ASB3: variants seen among roughly 807,000 people sequenced by gnomAD.
ASB3 encodes ankyrin repeat and SOCS box containing 3, also known as ankyrin repeat and SOCS box protein 3.
In ASB3, 41 loss-of-function variants were observed where a neutral mutation model predicts 54.5. The ratio of observed to expected loss-of-function variants is 0.75; its 90% confidence interval spans 0.59 to 0.98. ASB3 has a LOEUF of 0.98. Ranked by LOEUF, ASB3 falls within the 50% of genes least tolerant of loss-of-function variation. The pLI is 0.00. For missense variants in ASB3, 733 were observed against 620.0 expected (o/e 1.18, Z -1.94); for synonymous variants, 266 against 221.2 (o/e 1.20, Z -1.80).
At chr2:53,672,478 C>T (rs1004429947) in intron 9 of ASB3, among the ~76,000 whole-genome samples, 3 of 152,162 alleles carry the variant, frequency 2.0e-5, no homozygotes, top group Non-Finnish European at 4.4e-5. Context: ...GCAAACACCA[C>T]CGTTTTCCAA....
intron 1 of ASB3, chr2:53,775,253 G>A (rs1674248065): frequency 6.6e-6 from 1 of 152,512 alleles, no homozygotes; most frequent in East Asian, 1.9e-4. Flanking sequence ...AAAAAGATGG[G>A]CTGATACTAC....
rs548482134 is a variant in ASB3, at chr2:53,712,928, A to T, written c.980+1456T>A. On this transcript the variant is annotated intron_variant, in intron 7 of 9. Transcript: ENST00000263634. ...TAAAGTAATTAGGGCTCTTCTGTTT[A>T]AAAAGACAAAACTTAACGGGGTACA... is the stretch of plus-strand genomic sequence containing the variant. Among the ~76,000 whole-genome samples the T allele has an allele frequency of 2.0e-5, 3 of 152,380 alleles. No individual in the cohort carries two copies. The South Asian group carries it at 6.2e-4, about 32-fold the overall frequency.
chr2:53,714,597 T>G lies in ASB3; in HGVS notation c.783-16A>C. ...GTCCAAGATTCTATAAATACACAAATTCAGGAGAATTTAGTGTTTGTATAT... is the reference window on the plus strand; with the variant it reads ...GTCCAAGATTCTATAAATACACAAAGTCAGGAGAATTTAGTGTTTGTATAT... On this transcript the variant is annotated splice_polypyrimidine_tract_variant and intron_variant, in intron 6 of 9. Coordinates refer to ENST00000263634, the MANE Select transcript of ASB3 (RefSeq NM_016115.5). The G allele has an allele frequency of 6.2e-7, 1 of 1,611,886 alleles. No homozygotes were observed.
At chr2:53,707,891 G>A (rs2103801898) in intron 7 of ASB3, among the ~76,000 whole-genome samples, 1 of 150,976 alleles carries the variant, frequency 6.6e-6, no homozygotes, top group African/African-American at 2.4e-5. Context: ...AAACTCGGGA[G>A]GTGGTGGTTG....
At chr2:53,773,253 C>T (rs1327344132) in intron 1 of ASB3, among the ~76,000 whole-genome samples, 1 of 151,320 alleles carries the variant, frequency 6.6e-6, no homozygotes, top group Admixed American at 6.6e-5. Flanking sequence ...TTTTTCATTT[C>T]AGTCCCGTTA....
intron 9 of ASB3, among the ~76,000 whole-genome samples, chr2:53,674,363 C>A (rs1317073327): frequency 6.6e-6 from 1 of 152,130 alleles, no homozygotes; most frequent in Non-Finnish European, 1.5e-5. Context: ...TAATATTTAA[C>A]TTTTAATTCC....
intron 1 of ASB3, among the ~76,000 whole-genome samples, chr2:53,780,140 C>A (rs1407526625): frequency 6.6e-6 from 1 of 152,186 alleles, no homozygotes; most frequent in Non-Finnish European, 1.5e-5. Flanking sequence ...AAATATGAAA[C>A]TGAGGTCAGT....
rs536105709 is a variant in ASB3 at position 53,767,481 on chromosome 2, G to A, written c.-13-1896C>T. ...GTACACCGCCTCCGTATCTGGACAC[G>A]AGTGACGACTCCTGCTCTTTTCTCC... On this transcript the variant is annotated intron_variant, in intron 1 of 9. Transcript: ENST00000263634. The A allele has an allele frequency of 4.0e-4, 66 of 165,046 alleles. No individual in the cohort carries two copies. The East Asian group carries it at 9.4e-3, about 23-fold the overall frequency. 10.2% of individuals were successfully genotyped at this position (165,046 alleles called of 1,614,324 possible). A position where few individuals can be genotyped will look rare whatever the true frequency, so the allele number is the denominator to read the frequency against.
intron 8 of ASB3, among the ~76,000 whole-genome samples, chr2:53,695,829 T>A (rs545276398): frequency 4.2e-4 from 64 of 152,234 alleles, no homozygotes; most frequent in Admixed American, 2.0e-4. Context: ...AGTCTTGCAT[T>A]TAAATATTGT....
chr2:53,754,363 G>A (rs562327203), intron 2 of ASB3, among the ~76,000 whole-genome samples: 1 of 152,238 alleles, frequency 6.6e-6, no homozygotes, highest in South Asian at 2.1e-4. Flanking sequence ...TGGAGTGCAA[G>A]CCACCCTTAG....
intron 7 of ASB3, among the ~76,000 whole-genome samples, chr2:53,713,126 G>C (rs1670197433): frequency 6.6e-6 from 1 of 152,170 alleles, no homozygotes; most frequent in African/African-American, 2.4e-5. Flanking sequence ...GATCACTTGA[G>C]GCCAGGAGTT....
intron 3 of ASB3, among the ~76,000 whole-genome samples, chr2:53,750,213 T>C (rs575033004): frequency 1.6e-4 from 24 of 151,820 alleles, no homozygotes; most frequent in Admixed American, 3.9e-4. Flanking sequence ...TGAAGACAAA[T>C]AGAATCGAAT....
At chr2:53,686,637 C>T (rs750985734) in intron 9 of ASB3, among the ~76,000 whole-genome samples, 1 of 151,008 alleles carries the variant, frequency 6.6e-6, no homozygotes, top group Non-Finnish European at 1.5e-5. Context: ...CAAACCAATA[C>T]TGGTGATCTC....
intron 9 of ASB3, among the ~76,000 whole-genome samples, chr2:53,687,055 G>T (rs991652156): frequency 1.3e-5 from 2 of 152,110 alleles, no homozygotes; most frequent in African/African-American, 4.8e-5. Flanking sequence ...CAGACATGCT[G>T]ATAACTTTAA....
intron 3 of ASB3, among the ~76,000 whole-genome samples, chr2:53,742,678 G>A (rs1672000639): frequency 6.6e-6 from 1 of 151,064 alleles, no homozygotes; most frequent in Admixed American, 6.6e-5. Context: ...AAATCCAATT[G>A]AAATTGAAAG....
At chr2:53,706,474 T>G (rs529043647) in intron 7 of ASB3, among the ~76,000 whole-genome samples, 1 of 151,904 alleles carries the variant, frequency 6.6e-6, no homozygotes, top group Non-Finnish European at 1.5e-5. Flanking sequence ...TTGAATCTGC[T>G]ATGTTGCCCA....
At position 53,688,660 on chromosome 2, in the gene ASB3, G is replaced by C. The variant is rs529001516; in HGVS notation, c.1369+5224C>G. Among the ~76,000 whole-genome samples the C allele has an allele frequency of 3.3e-5, 5 of 152,216 alleles. No individual in the cohort carries two copies. The South Asian group carries it at 1.0e-3, about 32-fold the overall frequency. On this transcript the variant is annotated intron_variant, in intron 9 of 9. Transcript: ENST00000263634. ...TTCTCCATAGCTAGAAAGTGATGGA[G>C]GCTCTCAGCAAACTAACACAGGAAC...
intron 7 of ASB3, among the ~76,000 whole-genome samples, chr2:53,708,163 T>A (rs1470333878): frequency 2.0e-5 from 3 of 152,024 alleles, no homozygotes; most frequent in African/African-American, 4.8e-5. Context: ...TCATAAATGG[T>A]TTAGCACCAT....
chr2:53,758,844 A>T lies in ASB3; in HGVS notation c.196+6533T>A, dbSNP rs183165654. Among the ~76,000 whole-genome samples the T allele has an allele frequency of 3.0e-3, 450 of 152,282 alleles. 1 individual carries two copies. The highest frequency in any genetic ancestry group is 0.01 in the African/African-American group (436 of 41,556). ...TTTTTTCAGATGGGACATGTTCCCC[A>T]CAAGGCAAAAACGCCCCTAAGATAT... On this transcript the variant is annotated intron_variant, in intron 2 of 9. Coordinates refer to ENST00000263634, the MANE Select transcript of ASB3 (RefSeq NM_016115.5).
Sources: allele counts gnomAD v4.1 joint callset (sites outside exome capture counted in the v4.1 genomes callset), GRCh38; gene constraint gnomAD v4.1.1; transcripts MANE v1.5; gene names NCBI Gene and HGNC (gene_info 2026-07-23, HGNC 2026-07-21).